CGNL1: variants seen among roughly 807,000 people sequenced by gnomAD.
CGNL1 encodes cingulin-like protein 1.
CGNL1 carries 132 observed loss-of-function variants against 141.2 expected under a neutral mutation model. The ratio of observed to expected loss-of-function variants is 0.93; its 90% CI spans 0.81 to 1.08. The LOEUF (loss-of-function observed/expected upper bound fraction) is 1.08. Ranked by LOEUF, CGNL1 falls within the 50% of genes least tolerant of loss-of-function variation. CGNL1 has a pLI of 0.00. For synonymous variants in CGNL1, 690 were observed against 622.1 expected (o/e 1.11, Z -1.63); for missense variants, 1,870 against 1,588.6 (o/e 1.18, Z -3.01).
At chr15:57,541,939 G>A (rs1166020034) in intron 14 of CGNL1, among the ~76,000 whole-genome samples, 1 of 152,222 alleles carries the variant, frequency 6.6e-6, no homozygotes, top group Non-Finnish European at 1.5e-5. Context: ...TTCCCCCTGT[G>A]GTGTTGGAGG....
At chr15:57,477,650 T>G (rs866371620) in intron 8 of CGNL1, 1 of 152,392 alleles carries the variant, frequency 6.6e-6, no homozygotes, top group Middle Eastern at 3.4e-3. Context: ...AGCCTATGAC[T>G]TTTTGTGAGA....
chr15:57,513,153 T>TC (rs1317406551), intron 8 of CGNL1, among the ~76,000 whole-genome samples: 1 of 151,942 alleles, frequency 6.6e-6, no homozygotes, highest in East Asian at 1.9e-4. Context: ...CTTCCCCATA[T>TC]CCCTCCCTGT....
At chr15:57,401,069 C>T (rs2062655732) in intron 1 of CGNL1, among the ~76,000 whole-genome samples, 1 of 151,554 alleles carries the variant, frequency 6.6e-6, no homozygotes, top group African/African-American at 2.4e-5. Flanking sequence ...GATGGGGTTA[C>T]TCTATGTTAT....
intron 1 of CGNL1, chr15:57,406,963 C>G (rs1178018132): frequency 3.9e-5 from 6 of 152,226 alleles, no homozygotes; most frequent in Non-Finnish European, 4.4e-5. Flanking sequence ...TATTCCTGAT[C>G]TATTCACAGG....
intron 1 of CGNL1, among the ~76,000 whole-genome samples, chr15:57,423,180 C>A (rs970676681): frequency 6.6e-6 from 1 of 152,140 alleles, no homozygotes; most frequent in Non-Finnish European, 1.5e-5. Context: ...TTCAGCTGAT[C>A]GTGTCACACC....
chr15:57,534,196 A>G (rs2032119438), intron 14 of CGNL1, among the ~76,000 whole-genome samples: 1 of 151,754 alleles, frequency 6.6e-6, no homozygotes, highest in East Asian at 2.0e-4. Context: ...ACCAATGTCT[A>G]TAACCTCTTT....
intron 8 of CGNL1, among the ~76,000 whole-genome samples, chr15:57,475,691 G>A (rs879455509): frequency 1.7e-4 from 26 of 152,120 alleles, no homozygotes; most frequent in Admixed American, 7.2e-4. Context: ...TCCCAGGGCT[G>A]TACGTATTCC....
chr15:57,535,201 C>A lies in CGNL1; in HGVS notation c.3291+3422C>A, dbSNP rs1329075743. On this transcript the variant is annotated intron_variant, in intron 14 of 18. Transcript: ENST00000281282. ...AGGTCTCAATTTCCAAGGCAGTGCT[C>A]TATCTACCCGTGCCTGCAAAATATG... Among the ~76,000 whole-genome samples the A allele has an allele frequency of 2.0e-5, 3 of 152,322 alleles. No homozygotes were observed. The East Asian group carries it at 5.8e-4, about 29-fold the overall frequency.
intron 8 of CGNL1, among the ~76,000 whole-genome samples, chr15:57,494,687 T>C (rs2063912523): frequency 6.6e-6 from 1 of 152,230 alleles, no homozygotes; most frequent in South Asian, 2.1e-4. Flanking sequence ...CATTACATTT[T>C]CCATCCCAGA....
intron 1 of CGNL1, among the ~76,000 whole-genome samples, chr15:57,437,007 C>G (rs1406031912): frequency 6.6e-6 from 1 of 151,844 alleles, no homozygotes; most frequent in Non-Finnish European, 1.5e-5. Flanking sequence ...AAAAAGACAA[C>G]TGTTATTTGT....
chr15:57,503,030 C>T (rs1248859924), intron 8 of CGNL1, among the ~76,000 whole-genome samples: 1 of 152,208 alleles, frequency 6.6e-6, no homozygotes, highest in African/African-American at 2.4e-5. Context: ...AAGCTACCGC[C>T]TAAGGACGCA....
intron 2 of CGNL1, 111 bp from the exon 3 acceptor site, chr15:57,440,266 G>A (rs888381979): frequency 5.4e-6 from 4 of 745,896 alleles, no homozygotes; most frequent in Admixed American, 2.5e-5. Context: ...TATGAAGCTG[G>A]TAAATGTTGT....
At position 57,439,157 on chromosome 15, in the gene CGNL1, C is replaced by T. The variant is rs200649334; in HGVS notation, c.1158C>T (p.Ser386=). 6.2e-6 allele frequency: 10 copies of T among 1,614,062 alleles called. No homozygotes were observed. The highest frequency in any genetic ancestry group is 1.3e-5 in the African/African-American group (1 of 74,918). The change falls in exon 2 of 19, where the codon TCC becomes TCT. Residue 386 remains serine (S), a synonymous_variant. Coordinates refer to ENST00000281282, the MANE Select transcript of CGNL1 (RefSeq NM_032866.5). Reference sequence around the variant, plus strand: ...TTAATACAGATGACAGGAAAAGATCCAGAAGCGTGGATAGCGCCTTTCCTT... The same window carrying T: ...TTAATACAGATGACAGGAAAAGATCTAGAAGCGTGGATAGCGCCTTTCCTT... ...NRINTDDRKR[S]RSVDSAFPFG...
At chr15:57,442,090 C>A (rs1371280803) in intron 3 of CGNL1, among the ~76,000 whole-genome samples, 1 of 148,310 alleles carries the variant, frequency 6.7e-6, no homozygotes, top group Non-Finnish European at 1.5e-5. Context: ...TGGGTGTCTT[C>A]TCCAAGCTTA....
intron 12 of CGNL1, among the ~76,000 whole-genome samples, chr15:57,526,277 C>T (rs1401431419): frequency 2.6e-5 from 4 of 152,072 alleles, no homozygotes; most frequent in Non-Finnish European, 4.4e-5. Flanking sequence ...TCCATGTGAG[C>T]AACAGACATG....
At chr15:57,387,952 C>G (rs1351611077) in intron 1 of CGNL1, among the ~76,000 whole-genome samples, 2 of 152,210 alleles carry the variant, frequency 1.3e-5, no homozygotes, top group African/African-American at 4.8e-5. Context: ...CTGCCCCCCT[C>G]AGCTGCCACT....
chr15:57,448,589 A>T (rs1390816597), intron 4 of CGNL1, among the ~76,000 whole-genome samples: 1 of 152,136 alleles, frequency 6.6e-6, no homozygotes, highest in Non-Finnish European at 1.5e-5. Flanking sequence ...TAGAGGTTGC[A>T]GTGAGCCAAG....
intron 8 of CGNL1, among the ~76,000 whole-genome samples, chr15:57,489,961 C>G (rs1350000641): frequency 6.6e-6 from 1 of 152,166 alleles, no homozygotes; most frequent in Non-Finnish European, 1.5e-5. Context: ...AGCGTTTTCT[C>G]TGGATGTCTG....
chr15:57,422,309 A>G (rs1411946572), intron 1 of CGNL1, among the ~76,000 whole-genome samples: 1 of 151,900 alleles, frequency 6.6e-6, no homozygotes, highest in Non-Finnish European at 1.5e-5. Context: ...TCAGGAAGTC[A>G]GAGAACAGGG....
Sources: gnomAD v4.1 joint callset for allele counts (sites outside exome capture counted in the v4.1 genomes callset) on GRCh38, gnomAD v4.1.1 for gene constraint, MANE v1.5 for transcripts, NCBI Gene and HGNC (gene_info 2026-07-23, HGNC 2026-07-21) for gene names.